The following STIM2 variants were observed in gnomAD, a reference collection of about 807,000 sequenced individuals.
The protein encoded by STIM2 is stromal interaction molecule 2.
A neutral mutation model predicts 85.8 loss-of-function variants in STIM2; 31 were observed. The ratio of observed to expected loss-of-function variants is 0.36; its 90% CI spans 0.27 to 0.49. The LOEUF (loss-of-function observed/expected upper bound fraction) is 0.49. Ranked by LOEUF, STIM2 falls within the 20% of genes least tolerant of loss-of-function variation. The pLI is 0.98. For missense variants in STIM2, 841 were observed against 927.6 expected, an observed-to-expected ratio of 0.91 and a Z score of 1.21; for synonymous variants, 356 against 331.1, an observed-to-expected ratio of 1.08 and a Z score of -0.82.
In STIM2 at chr4:27,022,781, G is replaced by C. The variant is rs1426693734; in HGVS notation, c.2026G>C (p.Glu676Gln). ...AAGCAAAGTGTACAATGGCATTTTGGAGAAATCCTGTAGCATGAACCAGCT... is the reference window on the plus strand; with the variant it reads ...AAGCAAAGTGTACAATGGCATTTTGCAGAAATCCTGTAGCATGAACCAGCT... Residue 676 changes from glutamate (E) to glutamine (Q), a missense_variant, in exon 12 of 12, where the codon GAG becomes CAG. Around this residue, in one of 3 missense-constraint regions of STIM2, gnomAD observed 293 missense variants for 284.5 expected, o/e 1.03. Transcript: ENST00000467087. 1 of 1,614,160 alleles carries C rather than the reference G, an allele frequency of 6.2e-7. No homozygotes were observed. The highest frequency in any genetic ancestry group is 1.3e-5 in the African/African-American group (1 of 75,026).
intron 1 of STIM2, among the ~76,000 whole-genome samples, chr4:26,873,139 C>T (rs945366673): frequency 3.7e-4 from 57 of 152,184 alleles, no homozygotes; most frequent in African/African-American, 1.4e-3. Flanking sequence ...GTGGCTCACA[C>T]CTGTAATCCC....
intron 1 of STIM2, among the ~76,000 whole-genome samples, chr4:26,884,593 G>A (rs185412942): frequency 6.6e-6 from 1 of 152,216 alleles, no homozygotes; most frequent in Admixed American, 6.5e-5. Flanking sequence ...TCGTTGTATA[G>A]GCAGGGTAAT....
intron 3 of STIM2, among the ~76,000 whole-genome samples, chr4:26,976,759 A>G (rs1305975781): frequency 1.3e-5 from 2 of 152,010 alleles, no homozygotes; most frequent in Non-Finnish European, 2.9e-5. Context: ...AGCCGAGATC[A>G]TAACACTGCA....
intron 2 of STIM2, among the ~76,000 whole-genome samples, chr4:26,929,052 A>G (rs932835912): frequency 7.9e-5 from 12 of 152,212 alleles, no homozygotes; most frequent in Non-Finnish European, 1.6e-4. Flanking sequence ...GAGGTGTGCT[A>G]TAAAGTATAA....
At chr4:26,869,872 T>A (rs923022463) in intron 1 of STIM2, among the ~76,000 whole-genome samples, 1 of 151,242 alleles carries the variant, frequency 6.6e-6, no homozygotes, top group African/African-American at 2.4e-5. Context: ...CTTTTCAGCA[T>A]TTTTCACAAT....
chr4:26,922,717 A>G (rs971965365), intron 2 of STIM2, among the ~76,000 whole-genome samples: 1 of 152,090 alleles, frequency 6.6e-6, no homozygotes, highest in African/African-American at 2.4e-5. Context: ...TGGGACTTAA[A>G]GTTACAACCC....
chr4:26,934,913 C>CA (rs1160656482), intron 2 of STIM2, among the ~76,000 whole-genome samples: 3,182 of 56,050 alleles, frequency 0.057, 130 homozygotes, highest in African/African-American at 0.1. Context: ...AACTCCATCT[C>CA]AAAAAAAAAA....
chr4:26,885,199 T>C (rs1247345855), intron 1 of STIM2, among the ~76,000 whole-genome samples: 3 of 152,142 alleles, frequency 2.0e-5, no homozygotes, highest in Non-Finnish European at 4.4e-5. Context: ...TATCTAGTTT[T>C]CCAAAAGCTT....
intron 2 of STIM2, among the ~76,000 whole-genome samples, chr4:26,936,156 T>C (rs1043508576): frequency 5.3e-5 from 8 of 152,360 alleles, no homozygotes; most frequent in Admixed American, 2.0e-4. Context: ...AGAAAACATC[T>C]GATGATTTTA....
rs34037335 is a variant in STIM2 at position 26,946,624 on chromosome 4, G to T, written c.283-10988G>T. Among the ~76,000 whole-genome samples the T allele has an allele frequency of 3.2e-3, 489 of 152,310 alleles. 3 individuals carry two copies. Among genetic ancestry groups the T allele is most frequent in the Non-Finnish European group, 5.8e-3 (395 of 68,034 alleles). On this transcript the variant is annotated intron_variant, in intron 2 of 11. Coordinates refer to ENST00000467087, the MANE Select transcript of STIM2 (RefSeq NM_020860.4). ...TGCTCCTGTATGCTTGCACTTCTGT[G>T]CACTCTTTTTTTCTGACTTTCCGAT...
chr4:26,863,619 A>G (rs1722298021), intron 1 of STIM2, among the ~76,000 whole-genome samples: 1 of 152,134 alleles, frequency 6.6e-6, no homozygotes, highest in African/African-American at 2.4e-5. Context: ...GCATTAGTGT[A>G]CACTTCAGGA....
chr4:26,911,894 G>C (rs1724356281), intron 1 of STIM2, among the ~76,000 whole-genome samples: 1 of 152,094 alleles, frequency 6.6e-6, no homozygotes, highest in Admixed American at 6.5e-5. Flanking sequence ...CTAGGTGTTT[G>C]TAGTATGCTA....
intron 3 of STIM2, among the ~76,000 whole-genome samples, chr4:26,969,911 A>G (rs1166103684): frequency 1.3e-5 from 2 of 152,142 alleles, no homozygotes; most frequent in East Asian, 1.9e-4. Flanking sequence ...TGATTGTTCA[A>G]CATGCTTTGT....
rs1332005969 is a variant in STIM2 at position 27,021,193 on chromosome 4, A to G, written c.1764-1326A>G. The G allele has an allele frequency of 3.9e-6, 3 of 763,278 alleles. No homozygotes were observed. In the Admixed American group the frequency reaches 7.5e-5, roughly 19 times the overall value. The allele number at this position is 763,278 out of a possible 1,614,324, so 47.3% of individuals were successfully genotyped here. On this transcript the variant is annotated intron_variant, in intron 11 of 11. Coordinates refer to ENST00000467087, the MANE Select transcript of STIM2 (RefSeq NM_020860.4). The stretch of plus-strand genomic sequence containing the variant: ...CCTACCGTAAACTTGCCACTCTTCT[A>G]GTGCAGAGAAGACAGAAGTTAATAA...
intron 1 of STIM2, among the ~76,000 whole-genome samples, chr4:26,878,791 A>G (rs1722900766): frequency 6.6e-6 from 1 of 152,172 alleles, no homozygotes; most frequent in African/African-American, 2.4e-5. Context: ...CAGAAGGCGA[A>G]GGGGAAGCAA....
chr4:27,008,637 T>G (rs1728456177), intron 9 of STIM2, 109 bp downstream of exon 9: 2 of 1,155,804 alleles, frequency 1.7e-6, no homozygotes, highest in Non-Finnish European at 2.5e-6. Flanking sequence ...TTTACATTAG[T>G]TTTAAGAGTG....
intron 1 of STIM2, among the ~76,000 whole-genome samples, chr4:26,907,462 C>G (rs1450331076): frequency 1.3e-5 from 2 of 152,094 alleles, no homozygotes; most frequent in Non-Finnish European, 2.9e-5. Context: ...TTAACAAGTA[C>G]TGAAGTCTCC....
intron 4 of STIM2, among the ~76,000 whole-genome samples, chr4:26,996,842 CTTGT>C (rs1007739545): frequency 7.9e-5 from 12 of 152,070 alleles, no homozygotes; most frequent in Non-Finnish European, 1.5e-4. Flanking sequence ...TTTTGAGAAA[CTTGT>C]TTGTTTAACA....
chr4:26,908,881 G>T (rs1724228334), intron 1 of STIM2, among the ~76,000 whole-genome samples: 1 of 152,192 alleles, frequency 6.6e-6, no homozygotes, highest in African/African-American at 2.4e-5. Flanking sequence ...TCAGTCAAAA[G>T]ATTTAGAACA....
Sources: allele counts gnomAD v4.1 joint callset (sites outside exome capture counted in the v4.1 genomes callset), GRCh38; gene constraint gnomAD v4.1.1; regional missense constraint gnomAD v4.1.1; transcripts MANE v1.5; gene names NCBI Gene and HGNC (gene_info 2026-07-23, HGNC 2026-07-21).